Variants in SP140 observed in about 807,000 individuals in gnomAD.
SP140 encodes SP140 nuclear body protein.
SP140 carries 81 observed loss-of-function variants against 125.0 expected under a neutral mutation model. The observed-to-expected ratio is 0.65, with a 90% CI of 0.54 to 0.78. The LOEUF (loss-of-function observed/expected upper bound fraction) is 0.78. Ranked by LOEUF, SP140 falls within the 30% of genes least tolerant of loss-of-function variation. The pLI is 0.00. For synonymous variants in SP140, 312 were observed against 354.0 expected (o/e 0.88, Z 1.33); for missense variants, 858 against 1,037.0 (o/e 0.83, Z 2.37).
chr2:230,257,007 G>A (rs184411469), intron 12 of SP140, among the ~76,000 whole-genome samples: 3 of 152,168 alleles, frequency 2.0e-5, no homozygotes, highest in Admixed American at 6.5e-5. Context: ...CATGTGACAC[G>A]GGTGTTTGAT....
chr2:230,233,219 A>G (rs996774503), intron 1 of SP140, among the ~76,000 whole-genome samples: 1 of 152,212 alleles, frequency 6.6e-6, no homozygotes, highest in Non-Finnish European at 1.5e-5. Flanking sequence ...TCTTTAATGT[A>G]TATTTCTCTA....
At chr2:230,213,791 G>A (rs2044766337) in intron 2 of SP140, 1 of 152,540 alleles carries the variant, frequency 6.6e-6, no homozygotes, top group Admixed American at 6.5e-5. Context: ...ATCAGTGTGT[G>A]GGTCCCCATG....
chr2:230,200,992 G>A, upstream of SP140: 1 of 1,555,168 alleles, frequency 6.4e-7, no homozygotes, highest in Non-Finnish European at 8.9e-7. Flanking sequence ...CTTAGTAAAT[G>A]CCCCTTGGGA....
In SP140 at chr2:230,212,913, G is replaced by T. The variant is rs151199258; in HGVS notation, c.-322-741G>T. The T allele has an allele frequency of 2.6e-5, 42 of 1,614,086 alleles. No homozygotes were observed. The African/African-American group carries it at 4.9e-4, about 19-fold the overall frequency. On this transcript the variant is annotated intron_variant, in intron 1 of 4. Coordinates refer to the SP140 transcript ENST00000456542. ...ACAGGGTGAACAGCTTGGTTGAGGG[G>T]GTTGTGGTGGGGGCAGCGCCAGTGG... is the stretch of plus-strand genomic sequence containing the variant.
At chr2:230,282,737 G>T (rs571493155) in intron 15 of SP140, among the ~76,000 whole-genome samples, 2 of 152,210 alleles carry the variant, frequency 1.3e-5, no homozygotes, top group Non-Finnish European at 2.9e-5. Context: ...GCAAGTTAGT[G>T]CCTGGCTTTC....
chr2:230,189,969 T>G, the SP140 span, among the ~76,000 whole-genome samples: 1 of 152,222 alleles, frequency 6.6e-6, no homozygotes, highest in African/African-American at 2.4e-5. Context: ...AGCATTTGGG[T>G]TGGTTCCACG....
chr2:230,290,563 A>G lies in SP140; in HGVS notation c.1824A>G (p.Gln608=). The part of the protein sequence containing the change: ...KGILHKKKLQ[Q]GILVKCIQTE... ...TTTTACATAAGAAGAAATTGCAGCA[A>G]GGTAGGTTTTATGGTCTTCTTTAAT... Residue 608 remains glutamine (Q), a splice_region_variant and synonymous_variant, in exon 19 of 27, where the codon CAA becomes CAG. Coordinates refer to ENST00000392045, the MANE Select transcript of SP140 (RefSeq NM_007237.5). The G allele has an allele frequency of 3.7e-6, 6 of 1,611,636 alleles. No homozygotes were observed. The highest frequency in any genetic ancestry group is 4.2e-6 in the Non-Finnish European group (5 of 1,178,186).
chr2:230,221,135 G>A (rs1346399551), upstream of SP140, among the ~76,000 whole-genome samples: 1 of 151,860 alleles, frequency 6.6e-6, no homozygotes, highest in Non-Finnish European at 1.5e-5. Context: ...ACAAAAATTA[G>A]CCAGATGTGG....
intron 3 of SP140, chr2:230,219,822 A>C (rs973998410): frequency 1.4e-6 from 1 of 729,448 alleles, no homozygotes. Context: ...GTTAACTCTA[A>C]GAGCTGCAGT....
upstream of SP140, among the ~76,000 whole-genome samples, chr2:230,199,362 C>T (rs569090628): frequency 5.9e-5 from 9 of 151,640 alleles, no homozygotes; most frequent in East Asian, 1.7e-3. Context: ...GCGCCCACCA[C>T]CACGCCTGGC....
In SP140 at chr2:230,206,269, A is replaced by C. The variant is rs541222152; in HGVS notation, c.-323+2990A>C. Reference sequence around the variant, plus strand: ...TCCCACACAACTGGCTCCTGCCTCCATCACCAAAATTTTTCTTAAATTTTC... The same window carrying C: ...TCCCACACAACTGGCTCCTGCCTCCCTCACCAAAATTTTTCTTAAATTTTC... On this transcript the variant is annotated intron_variant, in intron 1 of 4. Coordinates refer to the SP140 transcript ENST00000456542. 1.8e-4 allele frequency among the ~76,000 whole-genome samples: 27 copies of C among 152,132 alleles called. No individual in the cohort carries two copies. The South Asian group carries it at 5.6e-3, about 32-fold the overall frequency.
upstream of SP140, chr2:230,202,531 C>G: frequency 6.3e-7 from 1 of 1,593,422 alleles, no homozygotes; most frequent in Non-Finnish European, 8.6e-7. Context: ...CAGGAGAGAC[C>G]CTCCCACACT....
the SP140 span, among the ~76,000 whole-genome samples, chr2:230,194,430 T>C: frequency 6.6e-6 from 1 of 150,804 alleles, no homozygotes; most frequent in Non-Finnish European, 1.5e-5. Flanking sequence ...CAAGACCTGG[T>C]CTATACAAAA....
chr2:230,228,412 T>C (rs1046713038), intron 1 of SP140, among the ~76,000 whole-genome samples: 9 of 152,252 alleles, frequency 5.9e-5, no homozygotes, highest in Non-Finnish European at 1.0e-4. Context: ...AGCTGATTGC[T>C]ATTGCTCATC....
At chr2:230,247,180 C>G (rs72986394) in intron 7 of SP140, among the ~76,000 whole-genome samples, 1 of 152,126 alleles carries the variant, frequency 6.6e-6, no homozygotes, top group Non-Finnish European at 1.5e-5. Flanking sequence ...CTTCTAAGTT[C>G]ATTCATCTGA....
Position 230,225,767 on chromosome 2 carries a change from G to A in SP140, c.-78G>A. ...CTCTTTGACTGAGCACCGAGGGGCA[G>A]TTGGCAGCTTCACCTCAGAGCTGCA... On this transcript the variant is annotated 5_prime_UTR_variant, in exon 1 of 27. Coordinates refer to ENST00000392045, the MANE Select transcript of SP140 (RefSeq NM_007237.5). 1 of 1,225,208 alleles carries A rather than the reference G, an allele frequency of 8.2e-7. No individual in the cohort carries two copies. The highest frequency in any genetic ancestry group is 1.2e-5 in the South Asian group (1 of 83,252). 75.9% of individuals were successfully genotyped at this position (1,225,208 alleles called of 1,614,324 possible).
At chr2:230,316,454 A>T (rs1190326306), downstream of SP140, among the ~76,000 whole-genome samples, 1 of 152,178 alleles carries the variant, frequency 6.6e-6, no homozygotes, top group African/African-American at 2.4e-5. Context: ...TGTTTGGGAG[A>T]CAGGGAGTAG....
intron 21 of SP140, among the ~76,000 whole-genome samples, chr2:230,296,093 T>C (rs2057698662): frequency 6.7e-6 from 1 of 149,628 alleles, no homozygotes; most frequent in African/African-American, 2.5e-5. Context: ...AAAAAAAAAT[T>C]ACCCAGACAT....
At chr2:230,270,873 T>C in intron 15 of SP140, 1 of 565,724 alleles carries the variant, frequency 1.8e-6, no homozygotes, top group South Asian at 1.5e-5. Context: ...AATGGGGAGA[T>C]GATCCTGGGT....
Sources: allele counts gnomAD v4.1 joint callset (sites outside exome capture counted in the v4.1 genomes callset), GRCh38; gene constraint gnomAD v4.1.1; transcripts MANE v1.5; gene names NCBI Gene and HGNC (gene_info 2026-07-23, HGNC 2026-07-21).